DEFB109B: variants seen among roughly 807,000 people sequenced by gnomAD.
The protein encoded by DEFB109B is defensin beta 109B.
At chr8:7,312,118 G>C (rs1802642944), upstream of DEFB109B, among the ~76,000 whole-genome samples, 1 of 112,886 alleles carries the variant, frequency 8.9e-6, no homozygotes, top group Admixed American at 7.9e-5. Flanking sequence ...AGATAGAAGA[G>C]TGTTAGGAAA....
chr8:7,312,241 G>A (rs1802649377), upstream of DEFB109B, among the ~76,000 whole-genome samples: 1 of 136,112 alleles, frequency 7.3e-6, no homozygotes, highest in South Asian at 2.1e-4. Flanking sequence ...TATAAAAAAT[G>A]AATCAATTAC....
intron 1 of DEFB109B, among the ~76,000 whole-genome samples, chr8:7,316,669 G>A (rs1220695532): frequency 7.4e-5 from 10 of 135,658 alleles, no homozygotes; most frequent in Middle Eastern, 3.4e-3. Context: ...CTCTGTTGCC[G>A]AGGCTGGAAT....
intron 1 of DEFB109B, among the ~76,000 whole-genome samples, chr8:7,316,796 T>C (rs1313665228): frequency 2.3e-5 from 3 of 133,072 alleles, no homozygotes; most frequent in Non-Finnish European, 4.5e-5. Flanking sequence ...TCAGCTAATA[T>C]ATATATATAT....
chr8:7,310,510 G>A (rs1802559687), upstream of DEFB109B, among the ~76,000 whole-genome samples: 1 of 133,850 alleles, frequency 7.5e-6, no homozygotes, highest in Admixed American at 7.3e-5. Flanking sequence ...TTATTATTAG[G>A]ATTATTTTAG....
At chr8:7,312,304 T>A (rs1271412785), upstream of DEFB109B, among the ~76,000 whole-genome samples, 5 of 139,542 alleles carry the variant, frequency 3.6e-5, 2 homozygotes, top group African/African-American at 1.7e-4. Flanking sequence ...GTATTTTGTA[T>A]TTAACAATTT....
At chr8:7,310,675 T>C (rs1802572005), upstream of DEFB109B, among the ~76,000 whole-genome samples, 2 of 147,056 alleles carry the variant, frequency 1.4e-5, no homozygotes, top group African/African-American at 5.5e-5. Context: ...TTGGGGCTGA[T>C]CTGAAACTAT....
upstream of DEFB109B, among the ~76,000 whole-genome samples, chr8:7,312,311 A>G (rs1427272769): frequency 1.4e-5 from 2 of 139,530 alleles, no homozygotes; most frequent in Non-Finnish European, 3.0e-5. Context: ...GTATTTAACA[A>G]TTTGTTAAGA....
upstream of DEFB109B, among the ~76,000 whole-genome samples, chr8:7,310,509 G>A (rs912688087): frequency 9.9e-4 from 132 of 133,344 alleles, 2 homozygotes; most frequent in African/African-American, 4.5e-3. Flanking sequence ...ATTATTATTA[G>A]GATTATTTTA....
At chr8:7,318,716 C>T (rs938897828) in intron 1 of DEFB109B, 22 of 139,438 alleles carry the variant, frequency 1.6e-4, no homozygotes, top group Non-Finnish European at 8.9e-5. Flanking sequence ...TTCTTTCCAC[C>T]AGACTGTCAC....
chr8:7,315,496 CA>C (rs140776655), intron 1 of DEFB109B, among the ~76,000 whole-genome samples: 8,869 of 93,824 alleles, frequency 0.095, 621 homozygotes, highest in African/African-American at 0.19. Context: ...GAGACTCCGT[CA>C]AAAAAAAAAA....
At chr8:7,319,605 T>A (rs1297511620) in intron 1 of DEFB109B, 141 bp from the exon 2 acceptor site, 1 of 141,332 alleles carries the variant, frequency 7.1e-6, no homozygotes, top group Non-Finnish European at 1.5e-5. Context: ...ACTGCATGTG[T>A]CTCTGACATA....
chr8:7,316,636 G>GT (rs1241238265), intron 1 of DEFB109B, among the ~76,000 whole-genome samples: 1 of 126,242 alleles, frequency 7.9e-6, no homozygotes, highest in African/African-American at 3.6e-5. Flanking sequence ...GTTTTGTTTT[G>GT]TTTTTTTGGA....
chr8:7,315,647 C>G (rs1802870335), intron 1 of DEFB109B, among the ~76,000 whole-genome samples: 1 of 130,902 alleles, frequency 7.6e-6, no homozygotes, highest in Non-Finnish European at 1.5e-5. Flanking sequence ...AGCCTTTCAA[C>G]ATTTGCTTGA....
At chr8:7,309,567 A>G (rs1333380175), upstream of DEFB109B, among the ~76,000 whole-genome samples, 1 of 147,470 alleles carries the variant, frequency 6.8e-6, no homozygotes, top group Non-Finnish European at 1.5e-5. Flanking sequence ...CTTAAACACA[A>G]TGACCAGATA....
At chr8:7,312,115 A>T (rs544348259), upstream of DEFB109B, among the ~76,000 whole-genome samples, 84 of 112,974 alleles carry the variant, frequency 7.4e-4, 9 homozygotes, top group African/African-American at 5.2e-3. Flanking sequence ...AACAGATAGA[A>T]GAGTGTTAGG....
chr8:7,317,345 T>A (rs888948815), intron 1 of DEFB109B, among the ~76,000 whole-genome samples: 1 of 146,628 alleles, frequency 6.8e-6, no homozygotes, highest in South Asian at 2.1e-4. Flanking sequence ...TAATAGCAGA[T>A]CTTCCCAGAA....
chr8:7,319,254 AG>A, intron 1 of DEFB109B: 1 of 133,268 alleles, frequency 7.5e-6, no homozygotes, highest in Non-Finnish European at 1.5e-5. Context: ...AAAAAAAGAG[AG>A]AGAGAGAGAG....
chr8:7,316,810 T>C (rs1217456866), intron 1 of DEFB109B, among the ~76,000 whole-genome samples: 4 of 106,386 alleles, frequency 3.8e-5, no homozygotes, highest in African/African-American at 1.1e-4. Flanking sequence ...TATATATATA[T>C]ACATTTTTTT....
intron 1 of DEFB109B, among the ~76,000 whole-genome samples, chr8:7,316,813 A>AT (rs371963220): frequency 0.072 from 7,123 of 99,152 alleles, 412 homozygotes; most frequent in Non-Finnish European, 0.099. Context: ...ATATATATAC[A>AT]TTTTTTTTTA....
Sources: allele counts gnomAD v4.1 joint callset (sites outside exome capture counted in the v4.1 genomes callset), GRCh38; gene constraint gnomAD v4.1.1; transcripts MANE v1.5; gene names NCBI Gene and HGNC (gene_info 2026-07-23, HGNC 2026-07-21).